S100A8: variants seen among roughly 807,000 people sequenced by gnomAD.
S100A8 encodes protein S100-A8.
Under a neutral mutation model 4.2 loss-of-function variants are expected in S100A8, and 1 was observed. That is an observed-to-expected ratio of 0.24 (90% CI 0.08 to 1.12). The LOEUF is 1.12. Among genes scored for constraint, S100A8 ranks in the 50% most tolerant of loss-of-function variants. The pLI is 0.53. For missense variants in S100A8, 96 were observed against 111.8 expected (o/e 0.86, Z 0.64); for synonymous variants, 41 against 44.7 (o/e 0.92, Z 0.33).
At chr1:153,402,200 T>C in the S100A8 span, among the ~76,000 whole-genome samples, 2 of 152,246 alleles carry the variant, frequency 1.3e-5, no homozygotes, top group Non-Finnish European at 2.9e-5. Flanking sequence ...TCCTCTTTGC[T>C]GAGCACTGCT....
At chr1:153,399,180 G>T in the S100A8 span, among the ~76,000 whole-genome samples, 1 of 152,222 alleles carries the variant, frequency 6.6e-6, no homozygotes. Flanking sequence ...TGTGTGAGCC[G>T]CGAACCCACC....
upstream of S100A8, among the ~76,000 whole-genome samples, chr1:153,393,114 C>T (rs2101610865): frequency 6.6e-6 from 1 of 152,250 alleles, no homozygotes; most frequent in East Asian, 1.9e-4. Context: ...TTGAGTGACT[C>T]ATGATGTGAT....
At chr1:153,409,980 G>A in the S100A8 span, among the ~76,000 whole-genome samples, 1 of 152,232 alleles carries the variant, frequency 6.6e-6, no homozygotes, top group Non-Finnish European at 1.5e-5. Context: ...ATTCAAAGCA[G>A]TCTGTAGAGG....
chr1:153,404,787 A>G, the S100A8 span, among the ~76,000 whole-genome samples: 1 of 152,156 alleles, frequency 6.6e-6, no homozygotes, highest in Admixed American at 6.6e-5. Flanking sequence ...CTTTTGGTGA[A>G]GATCTCTTTT....
chr1:153,404,502 C>A, the S100A8 span, among the ~76,000 whole-genome samples: 1 of 152,150 alleles, frequency 6.6e-6, no homozygotes, highest in Non-Finnish European at 1.5e-5. Context: ...CCCTGTCATT[C>A]AGGAGATTCC....
the S100A8 span, among the ~76,000 whole-genome samples, chr1:153,406,485 T>C: frequency 6.6e-6 from 1 of 152,154 alleles, no homozygotes; most frequent in East Asian, 1.9e-4. Flanking sequence ...GCCAGAGCAT[T>C]GCTCAAAGCA....
chr1:153,417,935 T>A, the S100A8 span: 372 of 1,111,258 alleles, frequency 3.3e-4, 3 homozygotes, highest in Middle Eastern at 1.6e-3. Context: ...CCATCACATT[T>A]AAAAAAATCA....
the S100A8 span, among the ~76,000 whole-genome samples, chr1:153,415,819 G>A: frequency 5.8e-3 from 890 of 152,282 alleles, 7 homozygotes; most frequent in African/African-American, 0.02. Flanking sequence ...CCAATGGTTA[G>A]CAATGAAGTA....
chr1:153,393,768 T>A (rs542028469), upstream of S100A8, among the ~76,000 whole-genome samples: 20 of 152,338 alleles, frequency 1.3e-4, no homozygotes, highest in Admixed American at 1.3e-3. Context: ...GTATTTTGCA[T>A]CCACTGACTC....
chr1:153,413,246 T>C, the S100A8 span, among the ~76,000 whole-genome samples: 18 of 152,350 alleles, frequency 1.2e-4, no homozygotes, highest in Non-Finnish European at 2.2e-4. Flanking sequence ...CAGGCACAAA[T>C]TTATGAATGC....
chr1:153,418,080 A>G, the S100A8 span: 3 of 1,613,868 alleles, frequency 1.9e-6, no homozygotes, highest in East Asian at 6.7e-5. Context: ...TTTGAAAGCA[A>G]AGATGAGCAA....
At chr1:153,390,688 G>A in intron 1 of S100A8, 131 bp from the exon 2 acceptor site, 1 of 1,138,674 alleles carries the variant, frequency 8.8e-7, no homozygotes, top group South Asian at 1.5e-5. Flanking sequence ...CAAACCAGCA[G>A]ATGGCTATGG....
At chr1:153,396,553 G>T in the S100A8 span, 1 of 152,760 alleles carries the variant, frequency 6.5e-6, no homozygotes, top group Non-Finnish European at 1.5e-5. Context: ...CTCCTCCTGG[G>T]TCCGGCACCG....
the S100A8 span, among the ~76,000 whole-genome samples, chr1:153,405,128 A>G: frequency 6.6e-6 from 1 of 151,580 alleles, no homozygotes; most frequent in Non-Finnish European, 1.5e-5. Context: ...AGTTTTACCT[A>G]CACGGCCCAG....
chr1:153,405,920 A>ACT, the S100A8 span, among the ~76,000 whole-genome samples: 1 of 151,228 alleles, frequency 6.6e-6, no homozygotes, highest in Admixed American at 6.6e-5. Context: ...ATGCTGCAGA[A>ACT]CTCTCTCTCT....
chr1:153,390,199 A>G lies in S100A8; in HGVS notation c.186T>C (p.Thr62=), dbSNP rs1256566069. The G allele has an allele frequency of 1.9e-6, 3 of 1,614,042 alleles. No homozygotes were observed. The highest frequency in any genetic ancestry group is 1.1e-5 in the South Asian group (1 of 91,080). Residue 62 remains threonine, a synonymous_variant, in exon 3 of 3, where the codon ACT becomes ACC. Transcript: ENST00000368733. Reference sequence around the variant, plus strand: ...ACTCCTGGAAGTTAACTGCACCATCAGTGTTGATATCCAACTCTTTGAACC... The same window carrying G: ...ACTCCTGGAAGTTAACTGCACCATCGGTGTTGATATCCAACTCTTTGAACC... The part of the protein sequence containing the change: ...DVWFKELDIN[T]DGAVNFQEFL...
chr1:153,410,351 C>A, the S100A8 span, among the ~76,000 whole-genome samples: 1 of 152,224 alleles, frequency 6.6e-6, no homozygotes, highest in Non-Finnish European at 1.5e-5. Flanking sequence ...ACTGTAAACA[C>A]TTCTATGCAA....
Position 153,390,884 on chromosome 1 carries a change from C to T in S100A8, c.-23+157G>A, listed in dbSNP as rs1662078990. ...ACTGGAAGGTGCTGGAGGATACTCT[C>T]CTTCCTTATCCCTGCCTCACTCCCC... On this transcript the variant is annotated intron_variant, in intron 1 of 2. Coordinates refer to ENST00000368733, the MANE Select transcript of S100A8 (RefSeq NM_002964.5). The T allele has an allele frequency of 1.1e-5, 5 of 462,698 alleles. No individual in the cohort carries two copies. In the South Asian group the frequency reaches 2.5e-4, roughly 23 times the overall value. The allele number at this position is 462,698 out of a possible 1,614,324, so 28.7% of individuals were successfully genotyped here. A position where few individuals can be genotyped will look rare whatever the true frequency, so the allele number is the denominator to read the frequency against.
At chr1:153,394,007 T>A (rs966175201), upstream of S100A8, among the ~76,000 whole-genome samples, 1 of 152,112 alleles carries the variant, frequency 6.6e-6, no homozygotes, top group African/African-American at 2.4e-5. Flanking sequence ...TTGGGTGCTT[T>A]GGGGACAGCA....
Sources: allele counts gnomAD v4.1 joint callset (sites outside exome capture counted in the v4.1 genomes callset), GRCh38; gene constraint gnomAD v4.1.1; transcripts MANE v1.5; gene names NCBI Gene and HGNC (gene_info 2026-07-23, HGNC 2026-07-21).